TCF20: variants seen among roughly 807,000 people sequenced by gnomAD.
TCF20 encodes the protein transcription factor 20, also known as SPRE-binding protein.
Under a neutral mutation model 148.6 loss-of-function variants are expected in TCF20, and 3 were observed. The observed-to-expected ratio is 0.02, with a 90% CI of 0.01 to 0.05. The LOEUF (loss-of-function observed/expected upper bound fraction) is 0.05, where lower values mean the gene tolerates loss of function less well. Among genes scored for constraint, TCF20 ranks in the 10% least tolerant of loss-of-function variants. The pLI is 1.00. For synonymous variants in TCF20, 1,049 were observed against 909.5 expected, an observed-to-expected ratio of 1.15 and a Z score of -2.76; for missense variants, 2,350 against 2,429.3, an observed-to-expected ratio of 0.97 and a Z score of 0.69.
intron 1 of TCF20, among the ~76,000 whole-genome samples, chr22:42,221,130 G>C (rs527901053): frequency 1.3e-4 from 20 of 152,332 alleles, no homozygotes; most frequent in African/African-American, 4.6e-4. Context: ...TTTGCAATGA[G>C]AAGTGCAAGA....
At chr22:42,270,727 C>CGGGGCGGCGCGG (rs1569196807), upstream of TCF20, among the ~76,000 whole-genome samples, 1 of 130,100 alleles carries the variant, frequency 7.7e-6, no homozygotes, top group African/African-American at 2.8e-5. Context: ...GGAGGGCGCG[C>CGGGGCGGCGCGG]GGCGGGGCGG....
chr22:42,333,687 T>C (rs1928017411), intron 1 of TCF20, among the ~76,000 whole-genome samples: 1 of 152,176 alleles, frequency 6.6e-6, no homozygotes, highest in Non-Finnish European at 1.5e-5. Context: ...GAACACACAG[T>C]ATGCCTACTG....
At chr22:42,244,179 G>C (rs1295561914) in intron 1 of TCF20, among the ~76,000 whole-genome samples, 1 of 152,218 alleles carries the variant, frequency 6.6e-6, no homozygotes, top group Non-Finnish European at 1.5e-5. Flanking sequence ...CCTCCAGCCT[G>C]GGCCACACAT....
At chr22:42,309,811 G>C (rs1318630769) in intron 1 of TCF20, among the ~76,000 whole-genome samples, 1 of 152,236 alleles carries the variant, frequency 6.6e-6, no homozygotes, top group Non-Finnish European at 1.5e-5. Flanking sequence ...CTGCAGAATA[G>C]GGGTGACACC....
chr22:42,278,389 T>G (rs1223375465), intron 1 of TCF20: 3 of 152,196 alleles, frequency 2.0e-5, no homozygotes, highest in Non-Finnish European at 4.4e-5. Context: ...CTAACGGAAG[T>G]CCAGGCTATG....
In TCF20 at chr22:42,214,093, T is replaced by C. The variant is rs34030679; in HGVS notation, c.1213A>G (p.Met405Val). Residue 405 changes from methionine (M) to valine (V), a missense_variant, in exon 2 of 6, where the codon ATG (methionine) becomes GTG (valine). By Grantham distance (21) the Met-to-Val change is conservative. Coordinates refer to ENST00000677622, the MANE Select transcript of TCF20 (RefSeq NM_001378418.1). ...NLQCGQGSVP[M>V]GSRNRILQLM... ...TGTAAAATTCTGTTTCTGGAACCCA[T>C]AGGCACACTGCCTTGCCCACACTGG... The C allele has an allele frequency of 0.086, 139,105 of 1,614,114 alleles. 6,733 individuals carry two copies. The highest frequency in any genetic ancestry group is 0.13 in the African/African-American group (9,741 of 74,990).
At position 42,212,759 on chromosome 22, in the gene TCF20, A is replaced by G; in HGVS notation, c.2547T>C (p.Pro849=). ...CCCCAGGCTCATGTGCTGATGACTG[A>G]GGCTCTATTTCAAACTTTCTGGGAA... is the stretch of plus-strand genomic sequence containing the variant. ...YPIPRKFEIE[P]QSSAHEPGGS... Residue 849 remains proline (P), a synonymous_variant, in exon 2 of 6, where the codon CCT becomes CCC. Coordinates refer to ENST00000677622, the MANE Select transcript of TCF20 (RefSeq NM_001378418.1). 1 of 1,614,202 alleles carries G rather than the reference A, an allele frequency of 6.2e-7. No individual in the cohort carries two copies. Among genetic ancestry groups the G allele is most frequent in the Non-Finnish European group, 8.5e-7 (1 of 1,180,030 alleles).
At chr22:42,194,583 T>TGCCTGGGAGAGTGTG (rs998139913) in intron 2 of TCF20, among the ~76,000 whole-genome samples, 32 of 145,388 alleles carry the variant, frequency 2.2e-4, no homozygotes, top group Admixed American at 3.5e-4. Context: ...ACTCTGCTTC[T>TGCCTGGGAGAGTGTG]GCCTGGGAGA....
At chr22:42,207,952 G>T (rs1195139268) in intron 2 of TCF20, among the ~76,000 whole-genome samples, 3 of 152,254 alleles carry the variant, frequency 2.0e-5, no homozygotes. Flanking sequence ...ACTTTGGAAG[G>T]CTGACGTGGG....
chr22:42,325,763 G>A (rs939499378), intron 1 of TCF20, among the ~76,000 whole-genome samples: 15 of 152,198 alleles, frequency 9.9e-5, no homozygotes, highest in Admixed American at 3.9e-4. Flanking sequence ...AGTGGAGGCC[G>A]TGGGGAGCAA....
chr22:42,213,791 T>C lies in TCF20; in HGVS notation c.1515A>G (p.Ser505=), dbSNP rs1921329662. ...ADSCTNSEGS[S]QPEEQLKSPM... ...GGGACTTCAGCTGTTCTTCAGGTTG[T>C]GAGGAGCCTTCAGAATTTGTGCAGC... The change falls in exon 2 of 6, where the codon TCA becomes TCG. Residue 505 remains serine, a synonymous_variant. Transcript: ENST00000677622. The C allele has an allele frequency of 6.2e-7, 1 of 1,614,002 alleles. No homozygotes were observed. The highest frequency in any genetic ancestry group is 1.7e-5 in the Admixed American group (1 of 60,002).
At chr22:42,169,564 G>A (rs944517736) in intron 4 of TCF20, among the ~76,000 whole-genome samples, 2 of 152,336 alleles carry the variant, frequency 1.3e-5, no homozygotes, top group Admixed American at 1.3e-4. Flanking sequence ...GCTTGATCGA[G>A]TTAGATATTC....
chr22:42,258,280 A>AG (rs1202512084), intron 1 of TCF20, among the ~76,000 whole-genome samples: 1 of 151,284 alleles, frequency 6.6e-6, no homozygotes, highest in African/African-American at 2.5e-5. Flanking sequence ...CCCCTTCCCT[A>AG]GGCAGAGGAT....
At chr22:42,325,026 C>G (rs1157255602) in intron 1 of TCF20, among the ~76,000 whole-genome samples, 1 of 152,246 alleles carries the variant, frequency 6.6e-6, no homozygotes, top group Non-Finnish European at 1.5e-5. Context: ...GATGCTCCCT[C>G]TTTGTCTTCC....
At chr22:42,243,569 T>A (rs145028154) in intron 1 of TCF20, among the ~76,000 whole-genome samples, 8 of 152,128 alleles carry the variant, frequency 5.3e-5, no homozygotes, top group African/African-American at 1.9e-4. Context: ...ACCACTGCAC[T>A]CCAGCCTGGG....
intron 1 of TCF20, among the ~76,000 whole-genome samples, chr22:42,250,207 G>A (rs923286821): frequency 6.6e-6 from 1 of 152,172 alleles, no homozygotes; most frequent in Non-Finnish European, 1.5e-5. Flanking sequence ...GTGAGGCCAA[G>A]GCGGGCAGAT....
At chr22:42,322,029 C>T (rs1474420921) in intron 1 of TCF20, among the ~76,000 whole-genome samples, 9 of 151,544 alleles carry the variant, frequency 5.9e-5, no homozygotes, top group African/African-American at 1.7e-4. Context: ...GATGAATTCA[C>T]ACATGTAAAA....
At position 42,248,762 on chromosome 22, in the gene TCF20, T is replaced by G. The variant is rs73887978; in HGVS notation, c.-37+21577A>C. Among the ~76,000 whole-genome samples the G allele has an allele frequency of 4.8e-3, 733 of 152,302 alleles. 4 individuals are homozygous for G. Among genetic ancestry groups the G allele is most frequent in the African/African-American group, 0.016 (646 of 41,566 alleles). ...TTTGGGGCAGGGAATTTGCATAGTT[T>G]TGGTTGTACACAATAGTTACACCAT... On this transcript the variant is annotated intron_variant, in intron 1 of 5. Coordinates refer to ENST00000677622, the MANE Select transcript of TCF20 (RefSeq NM_001378418.1).
At chr22:42,327,594 C>A (rs1262782914) in intron 1 of TCF20, among the ~76,000 whole-genome samples, 1 of 152,054 alleles carries the variant, frequency 6.6e-6, no homozygotes, top group Non-Finnish European at 1.5e-5. Context: ...TCCTCACATG[C>A]AGGCTTTGAT....
Sources: gnomAD v4.1 joint callset for allele counts (sites outside exome capture counted in the v4.1 genomes callset) on GRCh38, gnomAD v4.1.1 for gene constraint, MANE v1.5 for transcripts, NCBI Gene and HGNC (gene_info 2026-07-23, HGNC 2026-07-21) for gene names.